The following CAMTA1 variants were observed in gnomAD, a reference collection of about 807,000 sequenced individuals.
CAMTA1 encodes the protein calmodulin-binding transcription activator 1.
Under a neutral mutation model 170.9 loss-of-function variants are expected in CAMTA1, and 27 were observed. The ratio of observed to expected loss-of-function variants is 0.16; its 90% CI spans 0.12 to 0.22. The LOEUF (loss-of-function observed/expected upper bound fraction) is 0.22, where lower values mean the gene tolerates loss of function less well. Ranked by LOEUF, CAMTA1 falls within the 10% of genes least tolerant of loss-of-function variation. CAMTA1 has a pLI of 1.00. For synonymous variants in CAMTA1, 833 were observed against 891.5 expected, an observed-to-expected ratio of 0.93 and a Z score of 1.17; for missense variants, 1,619 against 2,217.2, an observed-to-expected ratio of 0.73 and a Z score of 5.42.
At position 7,620,928 on chromosome 1, in the gene CAMTA1, G is replaced by A. The variant is rs534222579; in HGVS notation, c.511-19472G>A. On this transcript the variant is annotated intron_variant, in intron 6 of 22. Coordinates refer to ENST00000303635, the MANE Select transcript of CAMTA1 (RefSeq NM_015215.4). ...AGAAGGTCCTTTGACAAGAGAAGCA[G>A]GGAGGAGGTGTTGGAGGAGGCAGCC... Among the ~76,000 whole-genome samples, 5 of 152,342 alleles carry A rather than the reference G, an allele frequency of 3.3e-5. No homozygotes were observed. In the East Asian group the frequency reaches 7.7e-4, roughly 24 times the overall value.
chr1:7,405,559 A>G (rs1301884876), intron 5 of CAMTA1, among the ~76,000 whole-genome samples: 2 of 151,754 alleles, frequency 1.3e-5, no homozygotes, highest in Non-Finnish European at 2.9e-5. Flanking sequence ...TTTTTTAGAG[A>G]CAGGGGATCA....
intron 19 of CAMTA1, among the ~76,000 whole-genome samples, chr1:7,749,037 A>G (rs2096876874): frequency 6.6e-6 from 1 of 152,234 alleles, no homozygotes; most frequent in African/African-American, 2.4e-5. Context: ...CTTTCTCATT[A>G]TCAAGGTGGT....
At chr1:7,655,535 C>T (rs367773501) in intron 7 of CAMTA1, among the ~76,000 whole-genome samples, 2 of 131,104 alleles carry the variant, frequency 1.5e-5, no homozygotes, top group African/African-American at 2.8e-5. Flanking sequence ...CACACACATA[C>T]ACACTGATAT....
At position 7,751,488 on chromosome 1, in the gene CAMTA1, G is replaced by A. The variant is rs761880035; in HGVS notation, c.4883+96G>A. The A allele has an allele frequency of 7.4e-4, 834 of 1,123,688 alleles. 1 individual carries two copies. Among genetic ancestry groups the A allele is most frequent in the Non-Finnish European group, 9.6e-4 (768 of 800,426 alleles). 69.6% of individuals were successfully genotyped at this position (1,123,688 alleles called of 1,614,324 possible). On this transcript the variant is annotated intron_variant, in intron 20 of 22. Transcript: ENST00000303635. ...TCCTGGGCTGACATTGGAGTCTGGG[G>A]TGGGCCTAAAGCATTGGCAGTCACT...
chr1:7,500,304 ATG>A (rs1278150111), intron 6 of CAMTA1, among the ~76,000 whole-genome samples: 4 of 126,166 alleles, frequency 3.2e-5, no homozygotes, highest in Non-Finnish European at 6.5e-5. Context: ...GTGTGTGTGC[ATG>A]TGTGTCCGTG....
In CAMTA1 at chr1:7,021,188, C is replaced by T. The variant is rs571897086; in HGVS notation, c.235-70116C>T. On this transcript the variant is annotated intron_variant, in intron 3 of 22. Coordinates refer to ENST00000303635, the MANE Select transcript of CAMTA1 (RefSeq NM_015215.4). ...GCCAAGTGGAATCACTCTGCATTTA[C>T]ATGGGTGGCTTCTGAACGTGGCCGT... 7.5e-4 allele frequency among the ~76,000 whole-genome samples: 115 copies of T among 152,366 alleles called. 1 individual carries two copies. The highest frequency in any genetic ancestry group is 3.4e-3 in the Middle Eastern group (1 of 294).
At position 6,996,288 on chromosome 1, in the gene CAMTA1, G is replaced by A. The variant is rs557730126; in HGVS notation, c.235-95016G>A. ...GGATTCTGGACCTTGTGAATGATAC[G>A]TTGCAGAGACTTGGGATTCTGTTAC... On this transcript the variant is annotated intron_variant, in intron 3 of 22. Coordinates refer to ENST00000303635, the MANE Select transcript of CAMTA1 (RefSeq NM_015215.4). Among the ~76,000 whole-genome samples, 9 of 152,278 alleles carry A rather than the reference G, an allele frequency of 5.9e-5. No individual in the cohort carries two copies. The East Asian group carries it at 7.7e-4, about 13-fold the overall frequency.
At chr1:7,068,901 A>T (rs1638227770) in intron 3 of CAMTA1, among the ~76,000 whole-genome samples, 1 of 152,134 alleles carries the variant, frequency 6.6e-6, no homozygotes, top group East Asian at 1.9e-4. Flanking sequence ...TGTGCAGATA[A>T]TTGACAGTGG....
intron 4 of CAMTA1, among the ~76,000 whole-genome samples, chr1:7,192,826 C>T (rs1028874576): frequency 5.9e-5 from 9 of 152,124 alleles, no homozygotes; most frequent in Non-Finnish European, 1.2e-4. Flanking sequence ...GTGAATGCAG[C>T]GTCACCGGAA....
chr1:7,488,560 G>A lies in CAMTA1; in HGVS notation c.510+20659G>A, dbSNP rs551381460. On this transcript the variant is annotated intron_variant, in intron 6 of 22. Transcript: ENST00000303635. Reference sequence around the variant, plus strand: ...TGCACACACATACATCTGTACACATGCATGCACATACATCTGTACACATGT... The same window carrying A: ...TGCACACACATACATCTGTACACATACATGCACATACATCTGTACACATGT... Among the ~76,000 whole-genome samples the A allele has an allele frequency of 2.0e-5, 3 of 152,108 alleles. No individual in the cohort carries two copies. In the South Asian group the frequency reaches 6.2e-4, roughly 32 times the overall value.
chr1:7,098,524 G>T (rs910403944), intron 4 of CAMTA1, among the ~76,000 whole-genome samples: 1 of 152,208 alleles, frequency 6.6e-6, no homozygotes, highest in Non-Finnish European at 1.5e-5. Context: ...ATTTGTTTCC[G>T]GGGGTGGGGA....
intron 4 of CAMTA1, among the ~76,000 whole-genome samples, chr1:7,114,579 C>T (rs894049230): frequency 6.6e-6 from 1 of 152,208 alleles, no homozygotes; most frequent in Non-Finnish European, 1.5e-5. Flanking sequence ...ACAAGCTTGA[C>T]ATAGGCAAAG....
intron 3 of CAMTA1, among the ~76,000 whole-genome samples, chr1:6,948,399 T>C (rs1316665388): frequency 6.6e-6 from 1 of 152,202 alleles, no homozygotes; most frequent in African/African-American, 2.4e-5. Flanking sequence ...CATATGTACA[T>C]GCGTAGGTAA....
At chr1:7,319,400 T>A (rs1678015999) in intron 5 of CAMTA1, among the ~76,000 whole-genome samples, 1 of 152,122 alleles carries the variant, frequency 6.6e-6, no homozygotes, top group African/African-American at 2.4e-5. Context: ...TTTATAAGTA[T>A]GTGACATCTC....
chr1:7,310,646 T>TTCTTTCTTTC (rs1429082784), intron 5 of CAMTA1, among the ~76,000 whole-genome samples: 6 of 30,230 alleles, frequency 2.0e-4, no homozygotes, highest in African/African-American at 6.1e-4. Flanking sequence ...CTTTCTTTCT[T>TTCTTTCTTTC]TTTTCTTTCT....
At chr1:7,465,879 C>T (rs114457647) in intron 5 of CAMTA1, among the ~76,000 whole-genome samples, 1,839 of 152,098 alleles carry the variant, frequency 0.012, 32 homozygotes, top group African/African-American at 0.042. Flanking sequence ...CTTTTCAAGT[C>T]CAAGAGAAAG....
chr1:7,724,559 G>A (rs189106731), intron 11 of CAMTA1, among the ~76,000 whole-genome samples: 95 of 152,320 alleles, frequency 6.2e-4, no homozygotes, highest in African/African-American at 2.1e-3. Context: ...TGGGCCGGGC[G>A]CGGTGGCTCA....
At chr1:7,583,184 T>C (rs1377349828) in intron 6 of CAMTA1, among the ~76,000 whole-genome samples, 1 of 151,962 alleles carries the variant, frequency 6.6e-6, no homozygotes, top group African/African-American at 2.4e-5. Context: ...AACCTGCCCA[T>C]CATCCTGGGG....
chr1:7,140,323 CT>C (rs535386191), intron 4 of CAMTA1, among the ~76,000 whole-genome samples: 2 of 152,070 alleles, frequency 1.3e-5, no homozygotes, highest in East Asian at 1.9e-4. Flanking sequence ...AACATGGCAA[CT>C]TTTTTTTCCC....
Sources: allele counts gnomAD v4.1 joint callset (sites outside exome capture counted in the v4.1 genomes callset), GRCh38; gene constraint gnomAD v4.1.1; transcripts MANE v1.5; gene names NCBI Gene and HGNC (gene_info 2026-07-23, HGNC 2026-07-21).